The following MGAT4C variants were observed in gnomAD, a reference collection of about 807,000 sequenced individuals.
MGAT4C encodes the protein MGAT4 family member C.
In MGAT4C, 19 loss-of-function variants were observed where a neutral mutation model predicts 40.1. The ratio of observed to expected loss-of-function variants is 0.47; its 90% CI spans 0.33 to 0.70. The LOEUF is 0.70. MGAT4C is among the 30% of genes least tolerant of loss of function. The probability of loss-of-function intolerance (pLI) is 0.02; values close to 1 mark genes in which losing one functional copy is unlikely to be tolerated. For synonymous variants in MGAT4C, 181 were observed against 187.1 expected, an observed-to-expected ratio of 0.97 and a Z score of 0.27; for missense variants, 491 against 563.2, an observed-to-expected ratio of 0.87 and a Z score of 1.30.
rs1056930073 is a variant in MGAT4C, at chr12:86,272,544, T to C, written c.-57+61521A>G. On this transcript the variant is annotated intron_variant, in intron 4 of 7. Transcript: ENST00000548651. ...TAAACAATCCTCAACTAAAAACTAA[T>C]GCAATAATGATATCTAAAATAAATC... 1.3e-4 allele frequency among the ~76,000 whole-genome samples: 20 copies of C among 152,198 alleles called. 1 individual carries two copies. The highest frequency in any genetic ancestry group is 3.4e-3 in the Middle Eastern group (1 of 294).
chr12:86,679,401 T>A (rs1330998285), intron 2 of MGAT4C, among the ~76,000 whole-genome samples: 1 of 152,078 alleles, frequency 6.6e-6, no homozygotes, highest in Non-Finnish European at 1.5e-5. Context: ...AATCCTATAG[T>A]GGTTTTCTGT....
chr12:86,589,847 C>T (rs1036591771), intron 2 of MGAT4C, among the ~76,000 whole-genome samples: 2 of 151,952 alleles, frequency 1.3e-5, no homozygotes, highest in East Asian at 1.9e-4. Flanking sequence ...AGCAATATTA[C>T]TTGGAAGTAA....
chr12:86,810,315 A>G (rs1319605005), intron 1 of MGAT4C, among the ~76,000 whole-genome samples: 6 of 151,758 alleles, frequency 4.0e-5, no homozygotes, highest in Non-Finnish European at 5.9e-5. Context: ...TTATTTTTCA[A>G]TCTGTATTTC....
At chr12:86,075,002 T>A (rs1350342811) in intron 1 of MGAT4C, among the ~76,000 whole-genome samples, 1 of 152,116 alleles carries the variant, frequency 6.6e-6, no homozygotes. Flanking sequence ...AAATCTCATG[T>A]CCTCACATTT....
At chr12:86,296,740 G>A (rs868350965) in intron 4 of MGAT4C, among the ~76,000 whole-genome samples, 4 of 152,206 alleles carry the variant, frequency 2.6e-5, no homozygotes, top group Non-Finnish European at 4.4e-5. Flanking sequence ...GCCCGCAAGC[G>A]CTGCGCGCAG....
At chr12:86,378,465 T>A (rs774852149) in intron 3 of MGAT4C, among the ~76,000 whole-genome samples, 15 of 152,284 alleles carry the variant, frequency 9.9e-5, no homozygotes, top group Non-Finnish European at 1.6e-4. Flanking sequence ...GCAATATGAC[T>A]TAAAGTTTGT....
chr12:86,832,082 C>CA (rs1952940598), intron 1 of MGAT4C, among the ~76,000 whole-genome samples: 2 of 151,522 alleles, frequency 1.3e-5, no homozygotes, highest in Non-Finnish European at 3.0e-5. Context: ...CTCAGTTCTA[C>CA]AAAAAATACT....
chr12:86,444,866 T>G (rs1202023771), intron 2 of MGAT4C, among the ~76,000 whole-genome samples: 4 of 152,218 alleles, frequency 2.6e-5, no homozygotes, highest in Non-Finnish European at 4.4e-5. Flanking sequence ...AGGAAAGATT[T>G]ATTGACATAT....
chr12:86,378,638 C>T (rs1443244006), intron 3 of MGAT4C, among the ~76,000 whole-genome samples: 2 of 152,084 alleles, frequency 1.3e-5, no homozygotes, highest in Non-Finnish European at 1.5e-5. Flanking sequence ...TAATGACCTA[C>T]AGAAAGTTTG....
At chr12:86,458,167 A>C (rs1957541193) in intron 2 of MGAT4C, among the ~76,000 whole-genome samples, 1 of 152,188 alleles carries the variant, frequency 6.6e-6, no homozygotes, top group Admixed American at 6.5e-5. Context: ...CAGCTACCTT[A>C]AATTTATTTT....
intron 4 of MGAT4C, among the ~76,000 whole-genome samples, chr12:86,315,797 A>G (rs1183090106): frequency 6.6e-6 from 1 of 152,068 alleles, no homozygotes; most frequent in Non-Finnish European, 1.5e-5. Flanking sequence ...AATTTATGAT[A>G]AAATCCTCAA....
At chr12:86,074,479 C>T (rs978241118) in intron 1 of MGAT4C, among the ~76,000 whole-genome samples, 1 of 152,006 alleles carries the variant, frequency 6.6e-6, no homozygotes, top group Non-Finnish European at 1.5e-5. Context: ...GTAGAATAAT[C>T]CATATTTTTA....
At chr12:86,146,498 A>AT (rs1883530708) in intron 1 of MGAT4C, among the ~76,000 whole-genome samples, 1 of 152,080 alleles carries the variant, frequency 6.6e-6, no homozygotes, top group African/African-American at 2.4e-5. Flanking sequence ...TTTTAAAAGT[A>AT]TTTTTAATAG....
chr12:86,649,896 A>C (rs559264242), intron 2 of MGAT4C, among the ~76,000 whole-genome samples: 1 of 152,010 alleles, frequency 6.6e-6, no homozygotes, highest in East Asian at 1.9e-4. Context: ...AACATTTAAA[A>C]CATTTGAAAA....
intron 3 of MGAT4C, among the ~76,000 whole-genome samples, chr12:86,379,717 A>C (rs1284945641): frequency 1.3e-5 from 2 of 152,170 alleles, no homozygotes; most frequent in Admixed American, 6.6e-5. Context: ...ACAATTAATT[A>C]AAATTATACT....
At chr12:86,801,826 A>T (rs773201763) in intron 1 of MGAT4C, among the ~76,000 whole-genome samples, 14,528 of 151,768 alleles carry the variant, frequency 0.096, 948 homozygotes, top group Non-Finnish European at 0.14. Flanking sequence ...ACCTAACCCT[A>T]ATTCTTCCAG....
intron 1 of MGAT4C, among the ~76,000 whole-genome samples, chr12:86,123,664 T>C (rs1333630231): frequency 1.3e-5 from 2 of 152,128 alleles, no homozygotes; most frequent in Admixed American, 6.6e-5. Flanking sequence ...GAAATTCCAG[T>C]GTGAAGTTTT....
chr12:86,784,167 G>A (rs1013700881), intron 1 of MGAT4C, among the ~76,000 whole-genome samples: 2 of 151,998 alleles, frequency 1.3e-5, no homozygotes, highest in African/African-American at 4.8e-5. Flanking sequence ...CCCCTAGTAC[G>A]TAATTAGGAA....
At chr12:86,769,919 A>T (rs548047028) in intron 1 of MGAT4C, among the ~76,000 whole-genome samples, 7 of 152,130 alleles carry the variant, frequency 4.6e-5, no homozygotes, top group African/African-American at 1.7e-4. Context: ...GCTAAATGAC[A>T]AGTTAATGGG....
Sources: gnomAD v4.1 joint callset for allele counts (sites outside exome capture counted in the v4.1 genomes callset) on GRCh38, gnomAD v4.1.1 for gene constraint, MANE v1.5 for transcripts, NCBI Gene and HGNC (gene_info 2026-07-23, HGNC 2026-07-21) for gene names.